CCSER1: variants seen among roughly 807,000 people sequenced by gnomAD.
CCSER1 encodes serine-rich coiled-coil domain-containing protein 1.
A neutral mutation model predicts 82.0 loss-of-function variants in CCSER1; 41 were observed. The observed-to-expected ratio is 0.50, with a 90% CI of 0.39 to 0.65. The LOEUF is 0.65. Among genes scored for constraint, CCSER1 ranks in the 30% least tolerant of loss-of-function variants. CCSER1 has a pLI of 0.00. For missense variants in CCSER1, 1,119 were observed against 1,064.2 expected (o/e 1.05, Z -0.72); for synonymous variants, 414 against 383.9 (o/e 1.08, Z -0.92).
intron 4 of CCSER1, among the ~76,000 whole-genome samples, chr4:90,414,611 A>G (rs1448374806): frequency 6.6e-6 from 1 of 152,074 alleles, no homozygotes; most frequent in Non-Finnish European, 1.5e-5. Context: ...TTTCTTATTC[A>G]TGTTTGTATA....
intron 8 of CCSER1, among the ~76,000 whole-genome samples, chr4:90,914,460 C>A (rs1726962219): frequency 6.6e-6 from 1 of 152,008 alleles, no homozygotes; most frequent in African/African-American, 2.4e-5. Context: ...AACAAAGACA[C>A]AACAAACTAG....
intron 5 of CCSER1, among the ~76,000 whole-genome samples, chr4:90,505,263 T>C (rs995483217): frequency 6.6e-6 from 1 of 152,204 alleles, no homozygotes; most frequent in African/African-American, 2.4e-5. Context: ...CGTGCTCCCA[T>C]CTGGGGCACC....
chr4:90,410,043 C>T (rs892830509), intron 4 of CCSER1, among the ~76,000 whole-genome samples: 3 of 152,110 alleles, frequency 2.0e-5, no homozygotes, highest in Non-Finnish European at 4.4e-5. Context: ...AAGGCCATTA[C>T]ATAATGGTAA....
chr4:91,330,063 T>C (rs967095863), intron 10 of CCSER1, among the ~76,000 whole-genome samples: 2 of 152,182 alleles, frequency 1.3e-5, no homozygotes, highest in Non-Finnish European at 2.9e-5. Flanking sequence ...TTCTACTTCA[T>C]TAATTTTTTG....
At chr4:91,221,282 G>C (rs1373554461) in intron 10 of CCSER1, among the ~76,000 whole-genome samples, 1 of 151,992 alleles carries the variant, frequency 6.6e-6, no homozygotes, top group Non-Finnish European at 1.5e-5. Flanking sequence ...TTGATTATGT[G>C]TAAGAAATAA....
At chr4:90,162,805 T>C (rs1046109345) in intron 1 of CCSER1, among the ~76,000 whole-genome samples, 3 of 152,130 alleles carry the variant, frequency 2.0e-5, no homozygotes, top group Non-Finnish European at 4.4e-5. Flanking sequence ...GGGATTCTTA[T>C]CAATTGAAGT....
chr4:91,193,799 A>G (rs1298757164), intron 10 of CCSER1, among the ~76,000 whole-genome samples: 1 of 146,998 alleles, frequency 6.8e-6, no homozygotes, highest in African/African-American at 2.6e-5. Context: ...CTTCTAATTC[A>G]AATCTTCCTG....
rs1764840365 is a variant in CCSER1 at position 91,602,205 on chromosome 4, A to T, written c.*3148A>T. 6.6e-6 allele frequency among the ~76,000 whole-genome samples: 1 copy of T among 152,094 alleles called. No homozygotes were observed. Among genetic ancestry groups the T allele is most frequent in the South Asian group, 2.1e-4 (1 of 4,830 alleles). On this transcript the variant is annotated 3_prime_UTR_variant, in exon 11 of 11. Transcript: ENST00000509176. ...TTTGTAGGCATAGTTGCCCCACTTA[A>T]AGTGTTTACAAAGATTTTCATGATT...
At chr4:90,829,698 G>C (rs1439991481) in intron 8 of CCSER1, among the ~76,000 whole-genome samples, 1 of 152,150 alleles carries the variant, frequency 6.6e-6, no homozygotes, top group Non-Finnish European at 1.5e-5. Flanking sequence ...TGCTTGGAAG[G>C]GACCCAAGTG....
At chr4:90,279,327 G>A (rs1209350304) in intron 1 of CCSER1, among the ~76,000 whole-genome samples, 1 of 152,110 alleles carries the variant, frequency 6.6e-6, no homozygotes, top group East Asian at 1.9e-4. Context: ...GTTGGAATTA[G>A]GGGAGATAAG....
intron 5 of CCSER1, among the ~76,000 whole-genome samples, chr4:90,471,217 T>C (rs1398795373): frequency 6.6e-6 from 1 of 152,118 alleles, no homozygotes; most frequent in Non-Finnish European, 1.5e-5. Flanking sequence ...TGAGAGGCAG[T>C]ATAACACAGT....
rs182931650 is a variant in CCSER1, at chr4:91,176,989, G to A, written c.2217+90995G>A. Among the ~76,000 whole-genome samples the A allele has an allele frequency of 9.7e-3, 1,483 of 152,150 alleles. 25 individuals are homozygous for A. Among genetic ancestry groups the A allele is most frequent in the African/African-American group, 0.032 (1,321 of 41,508 alleles). On this transcript the variant is annotated intron_variant, in intron 10 of 10. Coordinates refer to ENST00000509176, the MANE Select transcript of CCSER1 (RefSeq NM_001145065.2). ...AATAGCTCTTATTATTTTGAGATAC[G>A]TCCCATCAATACTAGTTTATTGAGA... is the stretch of plus-strand genomic sequence containing the variant.
intron 7 of CCSER1, among the ~76,000 whole-genome samples, chr4:90,767,967 T>C (rs534745370): frequency 1.3e-5 from 2 of 152,352 alleles, no homozygotes; most frequent in Admixed American, 6.5e-5. Context: ...AAGGAAGTTC[T>C]AATAGGTGTC....
At chr4:90,275,970 T>C (rs1727455349) in intron 1 of CCSER1, among the ~76,000 whole-genome samples, 1 of 152,146 alleles carries the variant, frequency 6.6e-6, no homozygotes, top group African/African-American at 2.4e-5. Flanking sequence ...GTATGCCTAA[T>C]TTACAGAGAG....
intron 9 of CCSER1, among the ~76,000 whole-genome samples, chr4:90,928,548 A>G (rs1436824249): frequency 6.6e-6 from 1 of 152,134 alleles, no homozygotes; most frequent in Non-Finnish European, 1.5e-5. Context: ...AGCAAATTAT[A>G]TAATGCATTT....
At chr4:91,171,588 G>T (rs1251131131) in intron 10 of CCSER1, among the ~76,000 whole-genome samples, 4 of 152,038 alleles carry the variant, frequency 2.6e-5, no homozygotes, top group Admixed American at 6.6e-5. Flanking sequence ...CATTTCCATA[G>T]TTTTGTCTAA....
At chr4:90,176,616 GTTGTCTT>G (rs1263238453) in intron 1 of CCSER1, among the ~76,000 whole-genome samples, 4 of 151,878 alleles carry the variant, frequency 2.6e-5, no homozygotes, top group Non-Finnish European at 5.9e-5. Context: ...TCCCATAAGA[GTTGTCTT>G]ACTTTTGGAC....
intron 4 of CCSER1, among the ~76,000 whole-genome samples, chr4:90,439,188 TGAGGCA>T (rs2153571481): frequency 6.6e-6 from 1 of 152,122 alleles, no homozygotes; most frequent in Admixed American, 6.5e-5. Flanking sequence ...TCGGGAGTGC[TGAGGCA>T]GGAGAGTCAC....
intron 10 of CCSER1, among the ~76,000 whole-genome samples, chr4:91,260,440 T>C (rs919418529): frequency 2.0e-5 from 3 of 152,236 alleles, no homozygotes; most frequent in African/African-American, 7.2e-5. Flanking sequence ...ATTAATCCTC[T>C]TAACTAGCCT....
Sources: allele counts gnomAD v4.1 joint callset (sites outside exome capture counted in the v4.1 genomes callset), GRCh38; gene constraint gnomAD v4.1.1; transcripts MANE v1.5; gene names NCBI Gene and HGNC (gene_info 2026-07-23, HGNC 2026-07-21).